Variants in ZBTB17 observed in about 807,000 individuals in gnomAD.
The protein encoded by ZBTB17 is zinc finger and BTB domain containing 17.
Under a neutral mutation model 85.1 loss-of-function variants are expected in ZBTB17, and 24 were observed. The observed-to-expected ratio is 0.28, with a 90% CI of 0.20 to 0.40. The LOEUF (loss-of-function observed/expected upper bound fraction) is 0.40. Ranked by LOEUF, ZBTB17 falls within the 10% of genes least tolerant of loss-of-function variation. The probability of loss-of-function intolerance (pLI) is 1.00; values close to 1 mark genes in which losing one functional copy is unlikely to be tolerated. For synonymous variants in ZBTB17, 464 were observed against 460.2 expected, an observed-to-expected ratio of 1.01 and a Z score of -0.11; for missense variants, 743 against 1,105.1, an observed-to-expected ratio of 0.67 and a Z score of 4.65.
chr1:15,969,887 G>C (rs753380996), intron 2 of ZBTB17: 36 of 618,438 alleles, frequency 5.8e-5, no homozygotes, highest in Non-Finnish European at 9.3e-5. Context: ...CCCTTAGACA[G>C]ACGGAGGCAG....
rs746252109 is a variant in ZBTB17 at position 15,942,330 on chromosome 1, CCTT to C, written c.2126_2128del (p.Glu709del). Reference sequence around the variant, plus strand: ...ATTCACACCCGGGTGGCCCCCCTCACCTTCTTCCTGCACTTGCTTCACAGCTTT... The same window carrying C: ...ATTCACACCCGGGTGGCCCCCCTCACCTTCCTGCACTTGCTTCACAGCTTT... On this transcript the variant is annotated inframe_deletion and splice_region_variant, in exon 15 of 16. Transcript: ENST00000375743. The C allele has an allele frequency of 1.9e-6, 3 of 1,613,890 alleles. No homozygotes were observed. Among genetic ancestry groups the C allele is most frequent in the Non-Finnish European group, 2.5e-6 (3 of 1,180,042 alleles).
intron 3 of ZBTB17, among the ~76,000 whole-genome samples, chr1:15,947,480 C>G (rs986898389): frequency 1.6e-4 from 24 of 152,030 alleles, no homozygotes; most frequent in African/African-American, 4.3e-4. Context: ...GAATGCCGCC[C>G]ATGCATGGAG....
intron 14 of ZBTB17, 22 bp from the exon 15 acceptor site, chr1:15,942,442 C>G: frequency 6.2e-7 from 1 of 1,612,768 alleles, no homozygotes; most frequent in Non-Finnish European, 8.5e-7. Context: ...GTCGCAGGGC[C>G]TAAGGTGAAG....
At chr1:15,943,365 G>C in intron 12 of ZBTB17, 34 bp downstream of exon 12, 1 of 1,581,458 alleles carries the variant, frequency 6.3e-7, no homozygotes, top group Non-Finnish European at 8.6e-7. Context: ...ACTGTGGGGT[G>C]TCTGGCCAGT....
In ZBTB17 at chr1:15,944,415, TG is replaced by T; in HGVS notation, c.1255del (p.Gln419SerfsTer40). ...GAAGGAGCGGCCGCAGTAGTCGCACTGGTAGGGCTTCTCGCCGCTGTGCACC... is the reference window on the plus strand; with the variant it reads ...GAAGGAGCGGCCGCAGTAGTCGCACTGTAGGGCTTCTCGCCGCTGTGCACC... Reference protein sequence around the residue: ...QLVHSGEKPYQCDYCGRSFSD... With the variant: ...QLVHSGEKPYXCDYCGRSFSD... On this transcript the variant is annotated frameshift_variant, in exon 9 of 16. Transcript: ENST00000375743. LOFTEE classifies it high-confidence loss of function. 1 of 1,566,668 alleles carries T rather than the reference TG, an allele frequency of 6.4e-7. No homozygotes were observed.
At position 15,945,017 on chromosome 1, in the gene ZBTB17, C is replaced by A; in HGVS notation, c.847G>T (p.Glu283Ter). 2 of 1,601,458 alleles carry A rather than the reference C, an allele frequency of 1.2e-6. No homozygotes were observed. Among genetic ancestry groups the A allele is most frequent in the Non-Finnish European group, 8.5e-7 (1 of 1,175,764 alleles). Residue 283 changes from glutamate to a stop codon, truncating the protein, a stop_gained, in exon 7 of 16, where the codon GAG (glutamate) becomes TAG (stop). Transcript: ENST00000375743. LOFTEE classifies it high-confidence loss of function. ...GTDSGQELGS[E>*]ARGLRSGTYG... Reference sequence around the variant, plus strand: ...GTGCCTGAGCGCAGGCCCCGGGCCTCGGAGCCGAGCTCCTGCCCCGAGTCT... The same window carrying A: ...GTGCCTGAGCGCAGGCCCCGGGCCTAGGAGCCGAGCTCCTGCCCCGAGTCT...
chr1:15,971,612 T>A (rs926715986), intron 2 of ZBTB17, among the ~76,000 whole-genome samples: 4 of 148,320 alleles, frequency 2.7e-5, no homozygotes, highest in Admixed American at 1.4e-4. Context: ...ACTATATATA[T>A]AAAATATATA....
chr1:15,942,472 A>G, intron 14 of ZBTB17, 52 bp from the exon 15 acceptor site: 1 of 1,610,936 alleles, frequency 6.2e-7, no homozygotes, highest in Non-Finnish European at 8.5e-7. Flanking sequence ...CTGCCCCATC[A>G]TCGCCACCCT....
chr1:15,946,329 A>AAT (rs772089031), intron 4 of ZBTB17, 35 bp from the exon 5 acceptor site: 29 of 1,591,920 alleles, frequency 1.8e-5, no homozygotes, highest in Non-Finnish European at 2.5e-5. Context: ...GCCGTTTCCC[A>AAT]TCAAGTGCCC....
rs950515956 is a variant in ZBTB17 at position 15,964,845 on chromosome 1, G to A, written c.-3+8194C>T. 3.3e-5 allele frequency among the ~76,000 whole-genome samples: 5 copies of A among 152,066 alleles called. No individual in the cohort carries two copies. Among genetic ancestry groups the A allele is most frequent in the African/African-American group, 1.2e-4 (5 of 41,418 alleles). ...TTAAACAGAGAACAGGCCGGGCACG[G>A]TGGCTCACGCCTATAATCCCAGCAC... On this transcript the variant is annotated intron_variant, in intron 2 of 15. Transcript: ENST00000375743. The surrounding 1 kb of genome is among the most constrained non-coding windows in gnomAD (Gnocchi z 4.3).
At chr1:15,958,415 C>CAA (rs34593133) in intron 2 of ZBTB17, among the ~76,000 whole-genome samples, 1,764 of 84,482 alleles carry the variant, frequency 0.021, 38 homozygotes, top group African/African-American at 0.043. Context: ...CCAATACGAC[C>CAA]AAAAAAAAAA....
intron 3 of ZBTB17, 71 bp downstream of exon 3, chr1:15,948,220 G>A (rs753518195): frequency 1.9e-6 from 3 of 1,580,558 alleles, no homozygotes; most frequent in East Asian, 4.5e-5. Flanking sequence ...CCCCTGGAGG[G>A]CCTAGCATGG....
rs141216091 is a variant in ZBTB17 at position 15,968,533 on chromosome 1, G to A, written c.-3+4506C>T. 2.7e-4 allele frequency among the ~76,000 whole-genome samples: 41 copies of A among 152,274 alleles called. 1 individual carries two copies. In the East Asian group the frequency reaches 6.2e-3, roughly 23 times the overall value. On this transcript the variant is annotated intron_variant, in intron 2 of 15. Transcript: ENST00000375743. Reference sequence around the variant, plus strand: ...GGATGCTAAGAAGTCGCAGGGGAGGGGCTCCAAACTCACTTGGGTTGGGGG... The same window carrying A: ...GGATGCTAAGAAGTCGCAGGGGAGGAGCTCCAAACTCACTTGGGTTGGGGG...
chr1:15,960,864 G>A (rs2072232918), intron 2 of ZBTB17, among the ~76,000 whole-genome samples: 1 of 152,198 alleles, frequency 6.6e-6, no homozygotes, highest in Admixed American at 6.5e-5. Flanking sequence ...ATCCTCATTA[G>A]GATTAGGTAA....
intron 9 of ZBTB17, 96 bp from the exon 10 acceptor site, chr1:15,943,991 C>A (rs2071472739): frequency 3.1e-6 from 4 of 1,274,924 alleles, no homozygotes; most frequent in Non-Finnish European, 4.5e-6. Context: ...GACTCTCAGG[C>A]TTGCCAGGGT....
chr1:15,944,262 C>T (rs866012061), intron 9 of ZBTB17, 38 bp downstream of exon 9: 10 of 1,547,362 alleles, frequency 6.5e-6, no homozygotes, highest in African/African-American at 5.5e-5. Context: ...CGGCCACCGG[C>T]GGCTGCCAGG....
At position 15,946,964 on chromosome 1, in the gene ZBTB17, C is replaced by T. The variant is rs758224892; in HGVS notation, c.365G>A (p.Gly122Glu). 3 of 1,613,476 alleles carry T rather than the reference C, an allele frequency of 1.9e-6. No homozygotes were observed. Among genetic ancestry groups the T allele is most frequent in the African/African-American group, 2.7e-5 (2 of 75,062 alleles). Residue 122 changes from glycine (G) to glutamate (E), a missense_variant, in exon 4 of 16, where the codon GGG (glycine) becomes GAG (glutamate). By Grantham distance (98) the Gly-to-Glu change is moderately conservative (BLOSUM62 -2). Coordinates refer to ENST00000375743, the MANE Select transcript of ZBTB17 (RefSeq NM_003443.3). ...KSLAEPATSP[G>E]GNAEALATEG... The stretch of plus-strand genomic sequence containing the variant: ...TGTGGCCAAGGCCTCCGCATTTCCC[C>T]CAGGGCTGGTAGCCGGCTCAGCAAG...
At position 15,962,440 on chromosome 1, in the gene ZBTB17, T is replaced by C. The variant is rs184841450; in HGVS notation, c.-3+10599A>G. On this transcript the variant is annotated intron_variant, in intron 2 of 15. Transcript: ENST00000375743. ...AAGGGAGTCAGGGCCAGAGCTGCTG[T>C]GGTGCCGCACGCACAGTGTTTCATG... 5.4e-3 allele frequency among the ~76,000 whole-genome samples: 821 copies of C among 152,244 alleles called. 4 individuals carry two copies. Among genetic ancestry groups the C allele is most frequent in the Non-Finnish European group, 9.2e-3 (625 of 68,014 alleles).
intron 2 of ZBTB17, among the ~76,000 whole-genome samples, chr1:15,967,408 G>A (rs2072482164): frequency 1.3e-5 from 2 of 150,446 alleles, no homozygotes. Context: ...GCTGGGTTTG[G>A]TGGTTCAAGC....
Sources: allele counts gnomAD v4.1 joint callset (sites outside exome capture counted in the v4.1 genomes callset), GRCh38; gene constraint gnomAD v4.1.1; non-coding constraint Gnocchi (gnomAD v3.1); transcripts MANE v1.5; gene names NCBI Gene and HGNC (gene_info 2026-07-23, HGNC 2026-07-21).